MITD1: variants seen among roughly 807,000 people sequenced by gnomAD.
The protein encoded by MITD1 is MIT domain-containing protein 1.
A neutral mutation model predicts 34.9 loss-of-function variants in MITD1; 24 were observed. The ratio of observed to expected loss-of-function variants is 0.69; its 90% CI spans 0.50 to 0.97. MITD1 has a LOEUF of 0.97. MITD1 is among the 50% of genes least tolerant of loss of function. The pLI is 0.00. For synonymous variants in MITD1, 102 were observed against 101.4 expected (o/e 1.01, Z -0.04); for missense variants, 266 against 294.6 (o/e 0.90, Z 0.71).
downstream of MITD1, among the ~76,000 whole-genome samples, chr2:99,168,211 C>T (rs879305234): frequency 1.8e-4 from 27 of 152,014 alleles, no homozygotes; most frequent in African/African-American, 3.6e-4. Context: ...GCATGATCTC[C>T]GCTCACCGCA....
chr2:99,170,216 T>A (rs1314370210), intron 5 of MITD1, among the ~76,000 whole-genome samples: 2 of 152,112 alleles, frequency 1.3e-5, no homozygotes, highest in African/African-American at 4.8e-5. Flanking sequence ...CACTAGAAAA[T>A]AAATTATCCT....
intron 1 of MITD1, among the ~76,000 whole-genome samples, chr2:99,176,152 A>T (rs1248580468): frequency 6.6e-6 from 1 of 152,086 alleles, no homozygotes. Flanking sequence ...GGGTATCACC[A>T]TGTTGCCCAG....
intron 7 of MITD1, chr2:99,162,568 C>T (rs2105200796): frequency 1.2e-6 from 2 of 1,614,118 alleles, no homozygotes; most frequent in Non-Finnish European, 1.7e-6. Flanking sequence ...AGGAGCAATG[C>T]CACTGCTAGC....
chr2:99,169,705 A>G (rs2105213305), intron 5 of MITD1, 95 bp from the exon 6 acceptor site: 1 of 915,072 alleles, frequency 1.1e-6, no homozygotes, highest in Non-Finnish European at 1.7e-6. Flanking sequence ...ATTTCCCCCT[A>G]ACAAAGCAAA....
downstream of MITD1, among the ~76,000 whole-genome samples, chr2:99,168,489 C>G (rs1463264687): frequency 6.6e-6 from 1 of 152,148 alleles, no homozygotes; most frequent in Non-Finnish European, 1.5e-5. Flanking sequence ...GCATACAACC[C>G]CTCTTCAGCC....
chr2:99,173,680 C>A, intron 2 of MITD1: 1 of 548,612 alleles, frequency 1.8e-6, no homozygotes. Context: ...ATGAGATGTT[C>A]AAAGGGGTGT....
In MITD1 at chr2:99,171,882, G is replaced by A. The variant is rs1395889526; in HGVS notation, c.254-236C>T. 1.1e-5 allele frequency: 5 copies of A among 445,508 alleles called. No individual in the cohort carries two copies. The East Asian group carries it at 1.2e-4, about 11-fold the overall frequency. The allele number at this position is 445,508 out of a possible 1,614,324, so 27.6% of individuals were successfully genotyped here. ...TCTGCCTTCACAGAGGCTAGGCAAG[G>A]GGGAAAATCTAGAGGTTTCCTGGAA... On this transcript the variant is annotated intron_variant, in intron 2 of 6. Coordinates refer to ENST00000289359, the MANE Select transcript of MITD1 (RefSeq NM_138798.3).
At chr2:99,179,547 C>T (rs1489044545) in intron 1 of MITD1, among the ~76,000 whole-genome samples, 2 of 152,062 alleles carry the variant, frequency 1.3e-5, no homozygotes, top group African/African-American at 4.8e-5. Flanking sequence ...ATGCCCCAGG[C>T]AAGGTAGAGT....
downstream of MITD1, among the ~76,000 whole-genome samples, chr2:99,166,498 A>AAAC (rs892122255): frequency 1.3e-5 from 2 of 151,408 alleles, no homozygotes; most frequent in East Asian, 3.9e-4. Flanking sequence ...AAAAAAAAAA[A>AAAC]AAAAACATAC....
intron 1 of MITD1, among the ~76,000 whole-genome samples, chr2:99,179,275 T>C (rs1232351488): frequency 6.6e-6 from 1 of 152,152 alleles, no homozygotes; most frequent in Admixed American, 6.6e-5. Flanking sequence ...ACACCATCTC[T>C]CTTTTGGGAT....
chr2:99,161,810 A>G (rs540295497), downstream of MITD1: 3 of 600,522 alleles, frequency 5.0e-6, no homozygotes, highest in South Asian at 2.6e-5. Flanking sequence ...TAGCATTGCT[A>G]AAGACTAATT....
At chr2:99,177,859 C>A (rs1191862602) in intron 1 of MITD1, among the ~76,000 whole-genome samples, 1 of 152,136 alleles carries the variant, frequency 6.6e-6, no homozygotes, top group Non-Finnish European at 1.5e-5. Context: ...CTACCCACTG[C>A]CCTTCCCAGC....
chr2:99,161,820 T>G (rs1157820479), downstream of MITD1: 21 of 644,198 alleles, frequency 3.3e-5, no homozygotes, highest in Non-Finnish European at 5.3e-5. Flanking sequence ...AAAGACTAAT[T>G]GTAAAGCTAA....
At chr2:99,165,051 CACACACACACAT>C (rs1381545508), downstream of MITD1, among the ~76,000 whole-genome samples, 2 of 122,450 alleles carry the variant, frequency 1.6e-5, no homozygotes, top group East Asian at 2.8e-4. Flanking sequence ...CACACACACA[CACACACACACAT>C]ATATATATAG....
intron 1 of MITD1, among the ~76,000 whole-genome samples, chr2:99,176,573 C>T (rs937964506): frequency 6.6e-6 from 1 of 150,880 alleles, no homozygotes; most frequent in African/African-American, 2.4e-5. Flanking sequence ...GCAATCCACC[C>T]GCCTGGGGCT....
Position 99,180,841 on chromosome 2 carries a change from C to T in MITD1, c.141G>A (p.Gln47=), listed in dbSNP as rs1320879334. 1 of 1,614,124 alleles carries T rather than the reference C, an allele frequency of 6.2e-7. No homozygotes were observed. Among genetic ancestry groups the T allele is most frequent in the Non-Finnish European group, 8.5e-7 (1 of 1,179,972 alleles). The stretch of plus-strand genomic sequence containing the variant: ...TGGCTCATTGCTCACCTTTCAGAAC[C>T]TGCAGGAGCAGATCAATCCCCTCTT... The part of the protein sequence containing the change: ...CYQEGIDLLL[Q]VLKGTKDNTK... Residue 47 remains glutamine, a synonymous_variant, in exon 1 of 7, where the codon CAG becomes CAA. Coordinates refer to ENST00000289359, the MANE Select transcript of MITD1 (RefSeq NM_138798.3).
At chr2:99,166,351 C>T (rs1388253004), downstream of MITD1, among the ~76,000 whole-genome samples, 5 of 151,742 alleles carry the variant, frequency 3.3e-5, no homozygotes, top group African/African-American at 4.8e-5. Flanking sequence ...TCACATAGTA[C>T]GAGAGTTTAA....
intron 1 of MITD1, among the ~76,000 whole-genome samples, chr2:99,177,826 T>G (rs2093896356): frequency 6.6e-6 from 1 of 152,178 alleles, no homozygotes; most frequent in Non-Finnish European, 1.5e-5. Flanking sequence ...TTGTACCCTT[T>G]GACCAACCTC....
rs1336595863 is a variant in MITD1 at position 99,169,349 on chromosome 2, CAT to C, written c.*24_*25del. 4.5e-6 allele frequency: 5 copies of C among 1,106,378 alleles called. No homozygotes were observed. The highest frequency in any genetic ancestry group is 5.3e-6 in the Non-Finnish European group (4 of 752,754). The allele number at this position is 1,106,378 out of a possible 1,614,324, so 68.5% of individuals were successfully genotyped here. On this transcript the variant is annotated 3_prime_UTR_variant, in exon 7 of 7. Coordinates refer to ENST00000289359, the MANE Select transcript of MITD1 (RefSeq NM_138798.3). ...AAATCCAATATTCACTTAAAGTAGACATAATACAAATTAGGCTACCACCCATC... is the reference window on the plus strand; with the variant it reads ...AAATCCAATATTCACTTAAAGTAGACAATACAAATTAGGCTACCACCCATC...
Sources: allele counts gnomAD v4.1 joint callset (sites outside exome capture counted in the v4.1 genomes callset), GRCh38; gene constraint gnomAD v4.1.1; transcripts MANE v1.5; gene names NCBI Gene and HGNC (gene_info 2026-07-23, HGNC 2026-07-21).